The following ESPNL variants were observed in gnomAD, a reference collection of about 807,000 sequenced individuals.
ESPNL encodes espin-like protein.
Under a neutral mutation model 46.8 loss-of-function variants are expected in ESPNL, and 49 were observed. The ratio of observed to expected loss-of-function variants is 1.05; its 90% CI spans 0.83 to 1.33. The LOEUF (loss-of-function observed/expected upper bound fraction) is 1.33. ESPNL is among the 40% of genes most tolerant of loss of function. ESPNL has a pLI of 0.00. For missense variants in ESPNL, 1,540 were observed against 1,436.6 expected (o/e 1.07, Z -1.16); for synonymous variants, 664 against 662.1 (o/e 1.00, Z -0.04).
chr2:238,120,247 G>C (rs1340269320), intron 5 of ESPNL, among the ~76,000 whole-genome samples: 1 of 152,148 alleles, frequency 6.6e-6, no homozygotes, highest in Non-Finnish European at 1.5e-5. Flanking sequence ...TCTCCCCACA[G>C]CTCCTTCAAG....
intron 4 of ESPNL, among the ~76,000 whole-genome samples, chr2:238,115,515 C>T (rs2106469633): frequency 6.6e-6 from 1 of 152,360 alleles, no homozygotes; most frequent in Admixed American, 6.5e-5. Flanking sequence ...AGGCCCCCTG[C>T]CACACACGAC....
chr2:238,106,646 C>T (rs1269264164), intron 3 of ESPNL, among the ~76,000 whole-genome samples: 1 of 152,250 alleles, frequency 6.6e-6, no homozygotes, highest in African/African-American at 2.4e-5. Context: ...CCTCAGCCTC[C>T]CAAACTATGC....
intron 4 of ESPNL, among the ~76,000 whole-genome samples, chr2:238,108,563 A>G (rs1356439006): frequency 6.6e-6 from 1 of 152,080 alleles, no homozygotes; most frequent in Non-Finnish European, 1.5e-5. Flanking sequence ...CACACAGTTT[A>G]CTTCTCCCCA....
chr2:238,128,166 G>T lies in ESPNL; in HGVS notation c.1215+432G>T, dbSNP rs541280208. On this transcript the variant is annotated intron_variant, in intron 7 of 8. Transcript: ENST00000343063. ...GCTCCCCCTTACTCTCCCTTTCCTGGGCGCCGGGCCCTTAGAAAGCCAGCC... is the reference window on the plus strand; with the variant it reads ...GCTCCCCCTTACTCTCCCTTTCCTGTGCGCCGGGCCCTTAGAAAGCCAGCC... 6.6e-5 allele frequency among the ~76,000 whole-genome samples: 10 copies of T among 152,284 alleles called. No individual in the cohort carries two copies. In the South Asian group the frequency reaches 1.2e-3, roughly 19 times the overall value.
chr2:238,129,284 A>G (rs1692222886), intron 8 of ESPNL: 28 of 1,102,950 alleles, frequency 2.5e-5, no homozygotes, highest in Non-Finnish European at 2.9e-5. Context: ...AAAGCAAAGC[A>G]GTTGGGGGAC....
At chr2:238,118,376 G>GA (rs1424393700) in intron 5 of ESPNL, among the ~76,000 whole-genome samples, 1 of 97,374 alleles carries the variant, frequency 1.0e-5, no homozygotes. Flanking sequence ...GATGGAGGAG[G>GA]TGGATGGAGA....
chr2:238,119,421 GGT>G (rs1691928174), intron 5 of ESPNL, among the ~76,000 whole-genome samples: 1 of 144,662 alleles, frequency 6.9e-6, no homozygotes, highest in African/African-American at 2.6e-5. Flanking sequence ...GATGGAGGAG[GGT>G]AGATGGAGGA....
At chr2:238,124,431 G>T (rs1449287165) in intron 5 of ESPNL, among the ~76,000 whole-genome samples, 1 of 152,206 alleles carries the variant, frequency 6.6e-6, no homozygotes, top group Non-Finnish European at 1.5e-5. Context: ...TCCTCACCAG[G>T]TTTCTCACTT....
In ESPNL at chr2:238,131,200, A is replaced by C; in HGVS notation, c.2486A>C (p.Gln829Pro). 1.3e-6 allele frequency: 2 copies of C among 1,545,658 alleles called. No homozygotes were observed. Among genetic ancestry groups the C allele is most frequent in the Non-Finnish European group, 1.7e-6 (2 of 1,147,976 alleles). The change falls in exon 9 of 9, where the codon CAG becomes CCG. Residue 829 changes from glutamine to proline, a missense_variant. By Grantham distance (76) the Gln-to-Pro change is moderately conservative. Transcript: ENST00000343063. Reference sequence around the variant, plus strand: ...CGGCAGCTGCGGCGGCTGAGCCGGCAGCCCCGCGGGGCTTTGTCCCCCGAG... The same window carrying C: ...CGGCAGCTGCGGCGGCTGAGCCGGCCGCCCCGCGGGGCTTTGTCCCCCGAG... ...PARQLRRLSRQPRGALSPEQF... is the reference protein window; with the variant it reads ...PARQLRRLSRPPRGALSPEQF...
chr2:238,102,361 T>C (rs1021881211), intron 2 of ESPNL, among the ~76,000 whole-genome samples: 1 of 152,212 alleles, frequency 6.6e-6, no homozygotes, highest in Admixed American at 6.5e-5. Flanking sequence ...CACAGGCCAG[T>C]GCTTCAGCTT....
Position 238,130,618 on chromosome 2 carries a change from G to GC in ESPNL, c.1910dup (p.Arg638SerfsTer56). On this transcript the variant is annotated frameshift_variant, in exon 9 of 9. Coordinates refer to ENST00000343063, the MANE Select transcript of ESPNL (RefSeq NM_194312.4). LOFTEE classifies it low-confidence loss of function (END_TRUNC). ...GACACCTGCAGGGAGGCCTCGGCCA[G>GC]CCCCCCTCGGAGCGAGGCCCAGCGC... 1.9e-6 allele frequency: 3 copies of GC among 1,563,336 alleles called. 1 individual carries two copies. In the South Asian group the frequency reaches 3.5e-5, roughly 18 times the overall value.
At chr2:238,103,638 G>A (rs973660245) in intron 2 of ESPNL, among the ~76,000 whole-genome samples, 2 of 152,144 alleles carry the variant, frequency 1.3e-5, no homozygotes, top group African/African-American at 2.4e-5. Flanking sequence ...CCCAGCCACC[G>A]CGCTGGACAC....
intron 4 of ESPNL, among the ~76,000 whole-genome samples, chr2:238,115,143 C>T (rs930008467): frequency 3.9e-5 from 6 of 152,170 alleles, no homozygotes; most frequent in Non-Finnish European, 5.9e-5. Flanking sequence ...ACTGGTCTTT[C>T]GGACCTGCAG....
chr2:238,124,703 G>T (rs544951778), intron 5 of ESPNL, among the ~76,000 whole-genome samples: 1 of 151,132 alleles, frequency 6.6e-6, no homozygotes, highest in African/African-American at 2.4e-5. Flanking sequence ...ACGTGCATGT[G>T]TGTGCAGGAG....
In ESPNL at chr2:238,100,542, C is replaced by T; in HGVS notation, c.123C>T (p.His41=). The change falls in exon 1 of 9, where the codon CAC becomes CAT. Residue 41 remains histidine, a synonymous_variant. Coordinates refer to ENST00000343063, the MANE Select transcript of ESPNL (RefSeq NM_194312.4). The part of the protein sequence containing the change: ...ITDALGAGLV[H]HATRAGHLDC... ...ATGCTCTGGGGGCCGGCCTGGTTCA[C>T]CACGCCACCCGGGCTGGCCACCTGG... 6.3e-7 allele frequency: 1 copy of T among 1,593,272 alleles called. No individual in the cohort carries two copies. Among genetic ancestry groups the T allele is most frequent in the Non-Finnish European group, 8.5e-7 (1 of 1,172,402 alleles).
rs1273045812 is a variant in ESPNL, at chr2:238,114,190, C to T, written c.856-2713C>T. Reference sequence around the variant, plus strand: ...ACCCACCCTCTGCTGACAATCCCAGCGGTGATGGGGTCCGTCACTCTGGGG... The same window carrying T: ...ACCCACCCTCTGCTGACAATCCCAGTGGTGATGGGGTCCGTCACTCTGGGG... On this transcript the variant is annotated intron_variant, in intron 4 of 8. Coordinates refer to ENST00000343063, the MANE Select transcript of ESPNL (RefSeq NM_194312.4). This position sits in a 1 kb window ranked among gnomAD's most constrained non-coding sequence, Gnocchi z 5.0. Among the ~76,000 whole-genome samples, 6 of 152,140 alleles carry T rather than the reference C, an allele frequency of 3.9e-5. No individual in the cohort carries two copies. The highest frequency in any genetic ancestry group is 2.0e-4 in the Admixed American group (3 of 15,284).
chr2:238,131,367 G>A lies in ESPNL; in HGVS notation c.2653G>A (p.Val885Ile), dbSNP rs1250946470. ...RKLRHLLCFE[V>I]FEHLGTHGWE... ...GCTGCGCCACCTGCTGTGCTTCGAG[G>A]TCTTCGAGCACCTGGGCACCCACGG... is the stretch of plus-strand genomic sequence containing the variant. Residue 885 changes from valine to isoleucine, a missense_variant, in exon 9 of 9, where the codon GTC (valine) becomes ATC (isoleucine). By Grantham distance (29) the Val-to-Ile change is conservative. Transcript: ENST00000343063. 1 of 1,602,100 alleles carries A rather than the reference G, an allele frequency of 6.2e-7. No individual in the cohort carries two copies. Among genetic ancestry groups the A allele is most frequent in the Admixed American group, 1.7e-5 (1 of 58,648 alleles).
rs1691771263 is a variant in ESPNL, at chr2:238,114,325, G to A, written c.856-2578G>A. Among the ~76,000 whole-genome samples the A allele has an allele frequency of 1.3e-5, 2 of 151,958 alleles. No individual in the cohort carries two copies. The highest frequency in any genetic ancestry group is 2.9e-5 in the Non-Finnish European group (2 of 67,972). On this transcript the variant is annotated intron_variant, in intron 4 of 8. Coordinates refer to ENST00000343063, the MANE Select transcript of ESPNL (RefSeq NM_194312.4). This position sits in a 1 kb window ranked among gnomAD's most constrained non-coding sequence, Gnocchi z 5.0. ...ACACTTGTCCCCCTTCCTCTGCCGT[G>A]ACACCCCTCATACTCCTGCAGACCC...
intron 1 of ESPNL, 25 bp downstream of exon 1, chr2:238,100,738 C>A (rs897431367): frequency 7.1e-7 from 1 of 1,401,918 alleles, no homozygotes; most frequent in Non-Finnish European, 9.2e-7. Context: ...GGCAGCCTGG[C>A]TCCACGAAGC....
Sources: allele counts gnomAD v4.1 joint callset (sites outside exome capture counted in the v4.1 genomes callset), GRCh38; gene constraint gnomAD v4.1.1; non-coding constraint Gnocchi (gnomAD v3.1); transcripts MANE v1.5; gene names NCBI Gene and HGNC (gene_info 2026-07-23, HGNC 2026-07-21).